GTPBP8: variants seen among roughly 807,000 people sequenced by gnomAD.
GTPBP8 encodes GTP-binding protein 8.
Under a neutral mutation model 27.3 loss-of-function variants are expected in GTPBP8, and 21 were observed. That is an observed-to-expected ratio of 0.77 (90% CI 0.55 to 1.11). The LOEUF (loss-of-function observed/expected upper bound fraction) is 1.11. GTPBP8 is among the 50% of genes least tolerant of loss of function. The pLI, the probability that GTPBP8 is intolerant of heterozygous loss-of-function variation, is 0.00. For missense variants in GTPBP8, 380 were observed against 350.8 expected, an observed-to-expected ratio of 1.08 and a Z score of -0.67; for synonymous variants, 147 against 135.3, an observed-to-expected ratio of 1.09 and a Z score of -0.60.
chr3:113,000,656 T>C (rs189416109), intron 5 of GTPBP8, among the ~76,000 whole-genome samples, 194 bp from the exon 6 acceptor site: 1 of 152,102 alleles, frequency 6.6e-6, no homozygotes, highest in Non-Finnish European at 1.5e-5. Flanking sequence ...AGGAAATGGA[T>C]CAGATAATAT....
At chr3:112,998,857 AACTC>A (rs542125041) in intron 4 of GTPBP8, among the ~76,000 whole-genome samples, 1 of 152,204 alleles carries the variant, frequency 6.6e-6, no homozygotes, top group African/African-American at 2.4e-5. Flanking sequence ...ATTTTACAGA[AACTC>A]ACCAGGAATA....
Position 112,991,183 on chromosome 3 carries a change from G to C in GTPBP8, c.184G>C (p.Gly62Arg), listed in dbSNP as rs779538063. ...QEVERFLAPY[G>R]RQDLHLRIFD... is the part of the protein sequence containing the mutation. ...AGTAGAGCGGTTCCTCGCCCCCTAC[G>C]GGAGGCAAGACCTTCACCTGCGTAT... Residue 62 changes from glycine (G) to arginine (R), a missense_variant, in exon 1 of 6, where the codon GGG becomes CGG. Coordinates refer to ENST00000383678, the MANE Select transcript of GTPBP8 (RefSeq NM_014170.4). 5 of 1,614,142 alleles carry C rather than the reference G, an allele frequency of 3.1e-6. No homozygotes were observed. The highest frequency in any genetic ancestry group is 3.3e-4 in the Middle Eastern group (2 of 6,062).
chr3:112,995,270 G>C lies in GTPBP8; in HGVS notation c.566+5G>C. On this transcript the variant is annotated splice_donor_5th_base_variant and intron_variant, in intron 3 of 5. Coordinates refer to ENST00000383678, the MANE Select transcript of GTPBP8 (RefSeq NM_014170.4). Reference sequence around the variant, plus strand: ...CTATCTAAAAGAACGAAGGAAGTAAGGAAAAGATTTTCTTATAATAGTTAT... The same window carrying C: ...CTATCTAAAAGAACGAAGGAAGTAACGAAAAGATTTTCTTATAATAGTTAT... The C allele has an allele frequency of 1.9e-6, 3 of 1,577,846 alleles. No homozygotes were observed. The South Asian group carries it at 3.5e-5, about 18-fold the overall frequency.
chr3:112,991,444 G>A, intron 1 of GTPBP8, 109 bp downstream of exon 1: 1 of 950,438 alleles, frequency 1.1e-6, no homozygotes, highest in Non-Finnish European at 1.7e-6. Flanking sequence ...CTAGCTTTAT[G>A]TTGGCGCATA....
intron 1 of GTPBP8, 105 bp from the exon 2 acceptor site, chr3:112,992,921 T>G (rs537003395): frequency 3.2e-6 from 2 of 621,188 alleles, no homozygotes; most frequent in South Asian, 4.4e-5. Flanking sequence ...GCACATTTAA[T>G]TCATTCAATA....
Position 112,993,048 on chromosome 3 carries a change from A to G in GTPBP8, c.359A>G (p.Asn120Ser), listed in dbSNP as rs377191407. 6.2e-7 allele frequency: 1 copy of G among 1,608,056 alleles called. No individual in the cohort carries two copies. ...AAGGTGTGTTTTATAGGCAGAAGCA[A>G]TGTTGGAAAATCATCTCTAATCAAG... is the stretch of plus-strand genomic sequence containing the variant. ...RPEVCFIGRS[N>S]VGKSSLIKAL... The change falls in exon 2 of 6, where the codon AAT becomes AGT. Residue 120 changes from asparagine (N) to serine (S), a missense_variant. Transcript: ENST00000383678.
rs1461313146 is a variant in GTPBP8, at chr3:113,001,950, A to G, written c.*1031A>G. On this transcript the variant is annotated 3_prime_UTR_variant, in exon 6 of 6. Transcript: ENST00000383678. ...GGTTATAGCTGTATTGCTGGATAAC[A>G]AATTAAAGCTATAAACCAACTTCGT... 6 of 152,220 alleles carry G rather than the reference A, an allele frequency of 3.9e-5. No individual in the cohort carries two copies. The highest frequency in any genetic ancestry group is 8.8e-5 in the Non-Finnish European group (6 of 68,028). 9.4% of individuals were successfully genotyped at this position (152,220 alleles called of 1,614,324 possible).
At chr3:112,997,518 C>A (rs1265072684) in intron 4 of GTPBP8, among the ~76,000 whole-genome samples, 2 of 152,142 alleles carry the variant, frequency 1.3e-5, no homozygotes, top group East Asian at 3.8e-4. Context: ...GGTCTTTTGA[C>A]CTAGACTAGA....
chr3:112,997,329 C>T (rs1002831044), intron 4 of GTPBP8, among the ~76,000 whole-genome samples: 4 of 152,294 alleles, frequency 2.6e-5, no homozygotes, highest in Admixed American at 1.3e-4. Flanking sequence ...TCTTTAACAG[C>T]AGCGTGGCAG....
In GTPBP8 at chr3:112,991,053, G is replaced by A. The variant is rs1933658507; in HGVS notation, c.54G>A (p.Ala18=). 4 of 1,609,618 alleles carry A rather than the reference G, an allele frequency of 2.5e-6. No individual in the cohort carries two copies. Among genetic ancestry groups the A allele is most frequent in the Admixed American group, 3.3e-5 (2 of 59,802 alleles). ...LGAGRLFEMP[A]VLERLSRYNS... ...CGGGAAGACTCTTTGAAATGCCTGC[G>A]GTGCTAGAGCGACTGAGCCGCTATA... Residue 18 remains alanine, a synonymous_variant, in exon 1 of 6, where the codon GCG becomes GCA. Coordinates refer to ENST00000383678, the MANE Select transcript of GTPBP8 (RefSeq NM_014170.4).
chr3:113,001,819 A>G lies in GTPBP8; in HGVS notation c.*900A>G, dbSNP rs1032685679. On this transcript the variant is annotated 3_prime_UTR_variant, in exon 6 of 6. Coordinates refer to ENST00000383678, the MANE Select transcript of GTPBP8 (RefSeq NM_014170.4). ...GCTACATTTAAGATTCAGAATGGAAAAATAAAGCCTTTGAACTAAAGTTAA... is the reference window on the plus strand; with the variant it reads ...GCTACATTTAAGATTCAGAATGGAAGAATAAAGCCTTTGAACTAAAGTTAA... The G allele has an allele frequency of 3.3e-5, 5 of 152,260 alleles. No individual in the cohort carries two copies. The highest frequency in any genetic ancestry group is 1.2e-4 in the African/African-American group (5 of 41,474). The allele number at this position is 152,260 out of a possible 1,614,324, so 9.4% of individuals were successfully genotyped here.
At position 113,000,909 on chromosome 3, in the gene GTPBP8, G is replaced by A. The variant is rs2107374593; in HGVS notation, c.845G>A (p.Ser282Asn). 6.5e-7 allele frequency: 1 copy of A among 1,536,964 alleles called. No homozygotes were observed. Among genetic ancestry groups the A allele is most frequent in the Non-Finnish European group, 9.0e-7 (1 of 1,116,050 alleles). The change falls in exon 6 of 6, where the codon AGT (serine) becomes AAT (asparagine). Residue 282 changes from serine to asparagine, a missense_variant. By Grantham distance (46) the Ser-to-Asn change is conservative. Coordinates refer to ENST00000383678, the MANE Select transcript of GTPBP8 (RefSeq NM_014170.4). ...TGCTTTATAGCCAGTGTAACAGGAA[G>A]TCTTGACTAATGGTTCCCGGTTTAG... is the stretch of plus-strand genomic sequence containing the variant. The part of the protein sequence containing the change: ...LRCFIASVTG[S>N]LD
Position 112,999,441 on chromosome 3 carries a change from T to C in GTPBP8, c.667-5T>C, listed in dbSNP as rs184866608. 3,008 of 1,141,738 alleles carry C rather than the reference T, an allele frequency of 2.6e-3. 9 individuals carry two copies. The highest frequency in any genetic ancestry group is 3.5e-3 in the Non-Finnish European group (2,708 of 783,904). 70.7% of individuals were successfully genotyped at this position (1,141,738 alleles called of 1,614,324 possible). ...TCTAATGCATAAAAATTTGTTTTCT[T>C]ATAGATTGTATTAACAAAAATTGAC... is the stretch of plus-strand genomic sequence containing the variant. On this transcript the variant is annotated splice_polypyrimidine_tract_variant and splice_region_variant and intron_variant, in intron 4 of 5. Coordinates refer to ENST00000383678, the MANE Select transcript of GTPBP8 (RefSeq NM_014170.4).
intron 5 of GTPBP8, among the ~76,000 whole-genome samples, chr3:113,000,397 A>G (rs1442947297): frequency 1.3e-5 from 2 of 152,136 alleles, no homozygotes; most frequent in African/African-American, 2.4e-5. Context: ...AAAAAACTGT[A>G]GTATATCCAT....
intron 5 of GTPBP8, among the ~76,000 whole-genome samples, chr3:113,000,231 TTAAAA>T (rs1933866322): frequency 6.6e-6 from 1 of 150,546 alleles, no homozygotes; most frequent in Non-Finnish European, 1.5e-5. Context: ...TCTAGAAAAA[TTAAAA>T]TAAAAAAAAA....
chr3:112,993,257 G>A lies in GTPBP8; in HGVS notation c.435+133G>A. Reference sequence around the variant, plus strand: ...TGATTTCTTTCAAAAAAGTAATAAAGTAAGACATCCTAATGCCTGTGTATT... The same window carrying A: ...TGATTTCTTTCAAAAAAGTAATAAAATAAGACATCCTAATGCCTGTGTATT... On this transcript the variant is annotated intron_variant, in intron 2 of 5. Coordinates refer to ENST00000383678, the MANE Select transcript of GTPBP8 (RefSeq NM_014170.4). The A allele has an allele frequency of 1.0e-5, 6 of 592,710 alleles. No individual in the cohort carries two copies. The South Asian group carries it at 1.4e-4, about 13-fold the overall frequency. 36.7% of individuals were successfully genotyped at this position (592,710 alleles called of 1,614,324 possible).
chr3:112,993,828 T>C (rs1433859196), intron 2 of GTPBP8, among the ~76,000 whole-genome samples: 1 of 152,140 alleles, frequency 6.6e-6, no homozygotes, highest in Non-Finnish European at 1.5e-5. Context: ...GCTCCTCACT[T>C]CATAAAATGA....
At chr3:112,999,904 T>G (rs142834556) in intron 5 of GTPBP8, among the ~76,000 whole-genome samples, 26 of 152,348 alleles carry the variant, frequency 1.7e-4, no homozygotes, top group Admixed American at 6.5e-4. Context: ...TCACTTAGAA[T>G]AATGGTCTCC....
At chr3:112,997,441 A>C (rs964410489) in intron 4 of GTPBP8, among the ~76,000 whole-genome samples, 2 of 152,254 alleles carry the variant, frequency 1.3e-5, no homozygotes, top group Non-Finnish European at 2.9e-5. Context: ...TCCAGCACAC[A>C]CAAGTAGGAT....
Sources: allele counts gnomAD v4.1 joint callset (sites outside exome capture counted in the v4.1 genomes callset), GRCh38; gene constraint gnomAD v4.1.1; transcripts MANE v1.5; gene names NCBI Gene and HGNC (gene_info 2026-07-23, HGNC 2026-07-21).